The following ATP5F1B variants were observed in gnomAD, a reference collection of about 807,000 sequenced individuals.
ATP5F1B encodes ATP synthase F1 subunit beta, also known as ATP synthase F(1) complex subunit beta, mitochondrial.
In ATP5F1B, 17 loss-of-function variants were observed where a neutral mutation model predicts 45.9. The ratio of observed to expected loss-of-function variants is 0.37; its 90% CI spans 0.25 to 0.56. The LOEUF (loss-of-function observed/expected upper bound fraction) is 0.56. Among genes scored for constraint, ATP5F1B ranks in the 20% least tolerant of loss-of-function variants. The pLI, the probability that ATP5F1B is intolerant of heterozygous loss-of-function variation, is 0.80. For missense variants in ATP5F1B, 387 were observed against 673.2 expected (o/e 0.57, Z 4.70); for synonymous variants, 218 against 256.5 (o/e 0.85, Z 1.43).
chr12:56,643,800 A>G, intron 4 of ATP5F1B, 37 bp downstream of exon 4: 3 of 1,613,176 alleles, frequency 1.9e-6, no homozygotes, highest in Non-Finnish European at 2.5e-6. Flanking sequence ...TTCCTCCCAT[A>G]TTAGGTTTGG....
chr12:56,644,045 G>T (rs557298737), intron 3 of ATP5F1B, 87 bp from the exon 4 acceptor site: 1 of 1,484,492 alleles, frequency 6.7e-7, no homozygotes, highest in Non-Finnish European at 9.1e-7. Flanking sequence ...CAACTCTCAA[G>T]TCCATCCCTT....
intron 7 of ATP5F1B, among the ~76,000 whole-genome samples, chr12:56,641,049 A>C (rs1305084297): frequency 2.0e-5 from 3 of 151,376 alleles, no homozygotes; most frequent in Non-Finnish European, 4.4e-5. Context: ...TCTCAAAAAA[A>C]TAAAAATTAA....
At position 56,643,833 on chromosome 12, in the gene ATP5F1B, A is replaced by T; in HGVS notation, c.607+4T>A. 6.2e-7 allele frequency: 1 copy of T among 1,614,112 alleles called. No individual in the cohort carries two copies. The highest frequency in any genetic ancestry group is 8.5e-7 in the Non-Finnish European group (1 of 1,180,016). On this transcript the variant is annotated splice_donor_region_variant and intron_variant, in intron 4 of 9. Transcript: ENST00000262030. ...TGGAAAATATGTACCCCTTAATAAC[A>T]TACCAATTTTGCCACCCTTGGCATA...
At chr12:56,641,358 C>T (rs1197615978) in intron 7 of ATP5F1B, among the ~76,000 whole-genome samples, 15 of 145,128 alleles carry the variant, frequency 1.0e-4, no homozygotes, top group Admixed American at 6.9e-4. Context: ...AGTGAAACTC[C>T]GTCTCAAAAA....
chr12:56,645,975 G>C lies in ATP5F1B; in HGVS notation c.-12C>G, dbSNP rs1034147387. On this transcript the variant is annotated 5_prime_UTR_variant, in exon 1 of 10. Coordinates refer to ENST00000262030, the MANE Select transcript of ATP5F1B (RefSeq NM_001686.4). ...ACAAACCCCAACATGGCGTAGTCCG[G>C]GTGGAGACTGAAGGCTGCAGCAACC... The C allele has an allele frequency of 1.3e-6, 2 of 1,592,150 alleles. No homozygotes were observed. The highest frequency in any genetic ancestry group is 2.7e-5 in the African/African-American group (2 of 74,636).
In ATP5F1B at chr12:56,640,181, C is replaced by A. The variant is rs757138996; in HGVS notation, c.1086G>T (p.Val362=). ...CAGGGTCAGTCAAGTCATCAGCAGGCACATAGATAGCCTAAAGTGAGATCC... is the reference window on the plus strand; with the variant it reads ...CAGGGTCAGTCAAGTCATCAGCAGGAACATAGATAGCCTAAAGTGAGATCC... ...GSITSVQAIY[V]PADDLTDPAP... The change falls in exon 8 of 10, where the codon GTG becomes GTT. Residue 362 remains valine, a synonymous_variant. Coordinates refer to ENST00000262030, the MANE Select transcript of ATP5F1B (RefSeq NM_001686.4). 1.2e-6 allele frequency: 2 copies of A among 1,613,384 alleles called. No individual in the cohort carries two copies. The highest frequency in any genetic ancestry group is 1.7e-6 in the Non-Finnish European group (2 of 1,179,808).
intron 4 of ATP5F1B, 96 bp from the exon 5 acceptor site, chr12:56,643,683 T>C (rs1181299902): frequency 4.4e-6 from 7 of 1,584,796 alleles, no homozygotes; most frequent in Non-Finnish European, 5.2e-6. Flanking sequence ...TCCTATTCCT[T>C]CTCAGAAATT....
intron 7 of ATP5F1B, 68 bp from the exon 8 acceptor site, chr12:56,640,260 GCT>G: frequency 7.4e-7 from 1 of 1,357,748 alleles, no homozygotes; most frequent in Admixed American, 2.1e-5. Context: ...AGAGGGTCTC[GCT>G]CTGTCGCCCA....
chr12:56,644,680 T>C lies in ATP5F1B; in HGVS notation c.485+101A>G. Reference sequence around the variant, plus strand: ...TGTGTGATTTTAATAATCGAACGTATCAGAAGAAAAATTCTGCTTTAGGAG... The same window carrying C: ...TGTGTGATTTTAATAATCGAACGTACCAGAAGAAAAATTCTGCTTTAGGAG... On this transcript the variant is annotated intron_variant, in intron 3 of 9. Coordinates refer to ENST00000262030, the MANE Select transcript of ATP5F1B (RefSeq NM_001686.4). 3 of 1,283,320 alleles carry C rather than the reference T, an allele frequency of 2.3e-6. No individual in the cohort carries two copies. The Admixed American group carries it at 7.6e-5, about 32-fold the overall frequency. 79.5% of individuals were successfully genotyped at this position (1,283,320 alleles called of 1,614,324 possible).
At chr12:56,645,050 T>G in intron 2 of ATP5F1B, 95 bp from the exon 3 acceptor site, 2 of 1,606,376 alleles carry the variant, frequency 1.2e-6, no homozygotes, top group South Asian at 1.1e-5. Flanking sequence ...TAAATGTGGC[T>G]TCAGCAAACT....
At chr12:56,643,141 G>C in intron 5 of ATP5F1B, 1 of 482,022 alleles carries the variant, frequency 2.1e-6, no homozygotes, top group Non-Finnish European at 3.6e-6. Flanking sequence ...TTCAAATGAT[G>C]GGACTATCTA....
chr12:56,642,887 C>T, intron 5 of ATP5F1B, 56 bp from the exon 6 acceptor site: 1 of 1,579,708 alleles, frequency 6.3e-7, no homozygotes, highest in African/African-American at 1.4e-5. Context: ...AAGCCACATA[C>T]TGAAGGTTCC....
intron 3 of ATP5F1B, 73 bp from the exon 4 acceptor site, chr12:56,644,031 C>A: frequency 6.5e-7 from 1 of 1,541,786 alleles, no homozygotes. Flanking sequence ...ATATCCCTCC[C>A]TATCAACTCT....
At chr12:56,641,777 T>TC (rs973753604) in intron 7 of ATP5F1B, among the ~76,000 whole-genome samples, 1 of 151,988 alleles carries the variant, frequency 6.6e-6, no homozygotes, top group African/African-American at 2.4e-5. Context: ...GGTCTTGATC[T>TC]CCTGACCTCA....
In ATP5F1B at chr12:56,639,318, AAAG is replaced by A. The variant is rs754729472; in HGVS notation, c.1288-14_1288-12del. The A allele has an allele frequency of 4.3e-6, 7 of 1,609,882 alleles. No homozygotes were observed. In the South Asian group the frequency reaches 5.5e-5, roughly 13 times the overall value. ...GAGGGATTTGTAGTCCTATGAGAAA[AAAG>A]AAGACTGAGTTAAGTATTCTCATTC... On this transcript the variant is annotated splice_polypyrimidine_tract_variant and intron_variant, in intron 8 of 9. Transcript: ENST00000262030.
In ATP5F1B at chr12:56,645,853, C is replaced by A. The variant is rs368524880; in HGVS notation, c.111G>T (p.Pro37=). The change falls in exon 1 of 10, where the codon CCG becomes CCT. Residue 37 remains proline (P), a synonymous_variant. Transcript: ENST00000262030. ...PPAQLLLRAA[P]TAVHPVRDYA... ...AGCACTTACCAGGATGGACCGCCGT[C>A]GGAGCGGCCCGCAGTAAGAGCTGAG... 3 of 1,609,034 alleles carry A rather than the reference C, an allele frequency of 1.9e-6. No homozygotes were observed. The highest frequency in any genetic ancestry group is 3.4e-5 in the Admixed American group (2 of 59,282).
At chr12:56,639,033 A>C (rs562466099) in intron 9 of ATP5F1B, 73 bp downstream of exon 9, 1 of 1,404,894 alleles carries the variant, frequency 7.1e-7, no homozygotes, top group South Asian at 1.2e-5. Context: ...AGTATATTAC[A>C]TATATTGCTT....
At chr12:56,641,935 G>A (rs1380512207) in intron 7 of ATP5F1B, among the ~76,000 whole-genome samples, 1 of 151,890 alleles carries the variant, frequency 6.6e-6, no homozygotes, top group Non-Finnish European at 1.5e-5. Flanking sequence ...ATATAGCGCC[G>A]GACTCCCCTC....
intron 8 of ATP5F1B, 161 bp downstream of exon 8, chr12:56,639,819 C>T: frequency 1.5e-6 from 1 of 652,864 alleles, no homozygotes; most frequent in African/African-American, 1.8e-5. Context: ...GCGTTAAGTA[C>T]CTGGAAACTC....
Sources: allele counts gnomAD v4.1 joint callset (sites outside exome capture counted in the v4.1 genomes callset), GRCh38; gene constraint gnomAD v4.1.1; transcripts MANE v1.5; gene names NCBI Gene and HGNC (gene_info 2026-07-23, HGNC 2026-07-21).